The following SLC26A8 variants were observed in gnomAD, a reference collection of about 807,000 sequenced individuals.
The protein encoded by SLC26A8 is solute carrier family 26 member 8.
SLC26A8 carries 70 observed loss-of-function variants against 105.0 expected under a neutral mutation model. The observed-to-expected ratio is 0.67, with a 90% confidence interval of 0.55 to 0.81. SLC26A8 has a LOEUF of 0.81. Among genes scored for constraint, SLC26A8 ranks in the 40% least tolerant of loss-of-function variants. The pLI is 0.00. For synonymous variants in SLC26A8, 415 were observed against 438.3 expected (o/e 0.95, Z 0.66); for missense variants, 998 against 1,181.8 (o/e 0.84, Z 2.28).
At chr6:35,998,910 T>C (rs1446200216) in intron 4 of SLC26A8, among the ~76,000 whole-genome samples, 1 of 152,168 alleles carries the variant, frequency 6.6e-6, no homozygotes, top group Non-Finnish European at 1.5e-5. Flanking sequence ...TTTATTTATT[T>C]TGAGACGGAG....
At chr6:36,023,319 C>T (rs962755845) in intron 1 of SLC26A8, among the ~76,000 whole-genome samples, 15 of 151,904 alleles carry the variant, frequency 9.9e-5, no homozygotes, top group African/African-American at 3.4e-4. Context: ...AAGGCCAAGG[C>T]GGTTGGATCA....
intron 3 of SLC26A8, among the ~76,000 whole-genome samples, chr6:36,008,771 G>A (rs1327761768): frequency 6.6e-6 from 1 of 152,176 alleles, no homozygotes; most frequent in Admixed American, 6.5e-5. Flanking sequence ...ATGAAAAGGT[G>A]TTAAATATCA....
At chr6:36,006,872 A>C (rs554901676) in intron 3 of SLC26A8, among the ~76,000 whole-genome samples, 7 of 152,340 alleles carry the variant, frequency 4.6e-5, no homozygotes, top group African/African-American at 1.7e-4. Flanking sequence ...CATATTAATC[A>C]TCTAAAGAGA....
At chr6:36,011,782 A>AT (rs1459572506) in intron 3 of SLC26A8, among the ~76,000 whole-genome samples, 2 of 151,774 alleles carry the variant, frequency 1.3e-5, no homozygotes, top group South Asian at 2.1e-4. Flanking sequence ...TAATTTTTGT[A>AT]TTTTTTTGTA....
chr6:35,991,694 G>T lies in SLC26A8; in HGVS notation c.907C>A (p.Gln303Lys), dbSNP rs750392845. 4.4e-6 allele frequency: 7 copies of T among 1,604,058 alleles called. No homozygotes were observed. In the African/African-American group the frequency reaches 9.4e-5, roughly 22 times the overall value. ...TCCATGGGAAACTCAATGGGATACT[G>T]ATTGAAAGAAATTCTGATACATTTG... The part of the protein sequence containing the change: ...INKCIRISFN[Q>K]YPIEFPMELF... The change falls in exon 7 of 20, where the codon CAG (glutamine) becomes AAG (lysine). Residue 303 changes from glutamine to lysine, a missense_variant. Gln to Lys is a moderately conservative substitution (Grantham distance 53). Coordinates refer to ENST00000490799, the MANE Select transcript of SLC26A8 (RefSeq NM_052961.4).
chr6:36,018,183 T>C (rs1305964747), intron 2 of SLC26A8, among the ~76,000 whole-genome samples: 1 of 152,256 alleles, frequency 6.6e-6, no homozygotes, highest in African/African-American at 2.4e-5. Flanking sequence ...GTCCTAGTTA[T>C]AGGACTTCAA....
chr6:35,995,191 C>A (rs1009073853), intron 5 of SLC26A8, among the ~76,000 whole-genome samples: 2 of 152,184 alleles, frequency 1.3e-5, no homozygotes, highest in Non-Finnish European at 2.9e-5. Context: ...ACCATCCCTG[C>A]CTTCCATCTT....
At chr6:35,962,867 T>C (rs1446915700) in intron 11 of SLC26A8, among the ~76,000 whole-genome samples, 2 of 152,192 alleles carry the variant, frequency 1.3e-5, no homozygotes, top group East Asian at 3.8e-4. Flanking sequence ...TGTGGCGTGC[T>C]ATCATAGCTC....
intron 17 of SLC26A8, chr6:35,954,911 C>T: frequency 2.4e-6 from 1 of 422,958 alleles, no homozygotes; most frequent in Non-Finnish European, 4.4e-6. Context: ...TGCCACTGCA[C>T]TCCAGCCTGG....
chr6:35,963,566 C>A (rs929662297), intron 11 of SLC26A8, among the ~76,000 whole-genome samples: 8 of 152,150 alleles, frequency 5.3e-5, no homozygotes, highest in African/African-American at 1.9e-4. Flanking sequence ...TTTTCCCAAC[C>A]CACAAGTCGA....
intron 8 of SLC26A8, among the ~76,000 whole-genome samples, chr6:35,980,183 G>A (rs1773215031): frequency 6.6e-6 from 1 of 152,190 alleles, no homozygotes; most frequent in Non-Finnish European, 1.5e-5. Flanking sequence ...ATGTTGGCCA[G>A]GCTGGTCTCA....
chr6:35,949,253 G>T (rs980855254), intron 19 of SLC26A8, among the ~76,000 whole-genome samples: 1 of 152,056 alleles, frequency 6.6e-6, no homozygotes, highest in African/African-American at 2.4e-5. Context: ...CCTACATAGT[G>T]AAACCCTGTC....
At chr6:35,985,734 C>A (rs1447067528) in intron 7 of SLC26A8, among the ~76,000 whole-genome samples, 1 of 137,402 alleles carries the variant, frequency 7.3e-6, no homozygotes, top group Non-Finnish European at 1.5e-5. Context: ...GGGCTGCTGT[C>A]TGTTCATGGC....
chr6:35,963,512 A>G (rs1772392597), intron 11 of SLC26A8, among the ~76,000 whole-genome samples: 2 of 152,162 alleles, frequency 1.3e-5, no homozygotes, highest in African/African-American at 4.8e-5. Context: ...TTCCCTTCTA[A>G]TAAACTTTCC....
chr6:35,978,560 G>A (rs977676977), intron 8 of SLC26A8, among the ~76,000 whole-genome samples: 1 of 151,948 alleles, frequency 6.6e-6, no homozygotes, highest in African/African-American at 2.4e-5. Context: ...AAATATGTAT[G>A]CCTCAACAGT....
chr6:35,964,421 C>A (rs1021683224), intron 11 of SLC26A8, among the ~76,000 whole-genome samples: 11 of 151,716 alleles, frequency 7.3e-5, no homozygotes, highest in African/African-American at 2.7e-4. Context: ...CTGAGGCAGG[C>A]GAATCTCTTG....
Position 35,943,612 on chromosome 6 carries a change from A to G in SLC26A8, c.*288T>C, listed in dbSNP as rs1771560433. On this transcript the variant is annotated 3_prime_UTR_variant, in exon 20 of 20. Transcript: ENST00000490799. ...TTAGAGATGGTCTGGCACAAAGCCCAGAGATGTGGGGTGTGTGAAGAAGGA... is the reference window on the plus strand; with the variant it reads ...TTAGAGATGGTCTGGCACAAAGCCCGGAGATGTGGGGTGTGTGAAGAAGGA... 1 of 363,192 alleles carries G rather than the reference A, an allele frequency of 2.8e-6. No homozygotes were observed. Among genetic ancestry groups the G allele is most frequent in the Non-Finnish European group, 5.1e-6 (1 of 196,452 alleles). The allele number at this position is 363,192 out of a possible 1,614,324, so 22.5% of individuals were successfully genotyped here.
At chr6:36,016,063 G>A (rs1179977102) in intron 2 of SLC26A8, among the ~76,000 whole-genome samples, 4 of 151,416 alleles carry the variant, frequency 2.6e-5, no homozygotes, top group Admixed American at 6.6e-5. Flanking sequence ...GCGTGATCTC[G>A]GCTCACTGCA....
rs2127324548 is a variant in SLC26A8, at chr6:35,977,192, T to C, written c.1173+12A>G. 1.2e-6 allele frequency: 2 copies of C among 1,609,446 alleles called. No homozygotes were observed. Among genetic ancestry groups the C allele is most frequent in the Non-Finnish European group, 1.7e-6 (2 of 1,178,088 alleles). On this transcript the variant is annotated intron_variant, in intron 9 of 19. Transcript: ENST00000490799. ...AAGAGTTAAGGATCAGAGGAAGTAG[T>C]AGTCCTCTCACCTGGTTGGAATTGA...
Sources: gnomAD v4.1 joint callset for allele counts (sites outside exome capture counted in the v4.1 genomes callset) on GRCh38, gnomAD v4.1.1 for gene constraint, MANE v1.5 for transcripts, NCBI Gene and HGNC (gene_info 2026-07-23, HGNC 2026-07-21) for gene names.